The following GOLM1 variants were observed in gnomAD, a reference collection of about 807,000 sequenced individuals.
GOLM1 encodes the protein golgi membrane protein 1.
GOLM1 carries 31 observed loss-of-function variants against 50.5 expected under a neutral mutation model. That is an observed-to-expected ratio of 0.61 (90% CI 0.46 to 0.83). GOLM1 has a LOEUF of 0.83. Among genes scored for constraint, GOLM1 ranks in the 40% least tolerant of loss-of-function variants. GOLM1 has a pLI of 0.00. For missense variants in GOLM1, 491 were observed against 501.3 expected (o/e 0.98, Z 0.20); for synonymous variants, 178 against 192.8 (o/e 0.92, Z 0.64).
At chr9:86,087,381 T>G (rs1835010254) in intron 1 of GOLM1, among the ~76,000 whole-genome samples, 1 of 152,220 alleles carries the variant, frequency 6.6e-6, no homozygotes, top group South Asian at 2.1e-4. Flanking sequence ...TACAATCATG[T>G]TGTCTGCAAA....
At chr9:86,074,493 T>A (rs1563964081) in intron 3 of GOLM1, among the ~76,000 whole-genome samples, 1 of 152,080 alleles carries the variant, frequency 6.6e-6, no homozygotes, top group Non-Finnish European at 1.5e-5. Context: ...GTTTCCTCTA[T>A]CCCCCTTCCC....
At chr9:86,096,175 AGG>A (rs1835350166) in intron 1 of GOLM1, among the ~76,000 whole-genome samples, 1 of 120,850 alleles carries the variant, frequency 8.3e-6, no homozygotes, top group Non-Finnish European at 1.9e-5. Flanking sequence ...ACTGCTCGAT[AGG>A]TTTTTTTTTT....
At chr9:86,074,239 A>T (rs1291890950) in intron 3 of GOLM1, among the ~76,000 whole-genome samples, 3 of 151,368 alleles carry the variant, frequency 2.0e-5, no homozygotes, top group African/African-American at 7.3e-5. Flanking sequence ...AAGATTTAAA[A>T]AAAAAAAAAA....
chr9:86,066,072 A>T (rs1020151941), intron 3 of GOLM1, among the ~76,000 whole-genome samples: 4 of 152,164 alleles, frequency 2.6e-5, no homozygotes, highest in Non-Finnish European at 5.9e-5. Flanking sequence ...ATGTTACAAA[A>T]GCACTCTGAA....
intron 1 of GOLM1, among the ~76,000 whole-genome samples, chr9:86,091,051 C>G (rs1835169135): frequency 6.6e-6 from 1 of 152,142 alleles, no homozygotes; most frequent in Admixed American, 6.6e-5. Flanking sequence ...GAGGCGATGC[C>G]CCACCCTGCT....
At chr9:86,070,096 G>C (rs1446250628) in intron 3 of GOLM1, among the ~76,000 whole-genome samples, 3 of 151,864 alleles carry the variant, frequency 2.0e-5, no homozygotes, top group Admixed American at 2.0e-4. Context: ...TGTTGGCGAG[G>C]CTGGTCTGGA....
chr9:86,035,477 C>T lies in GOLM1; in HGVS notation c.906G>A (p.Val302=). The change falls in exon 8 of 10, where the codon GTG becomes GTA. Residue 302 remains valine, a synonymous_variant. Coordinates refer to ENST00000388712, the MANE Select transcript of GOLM1 (RefSeq NM_016548.4). ...GAGELGQTPQ[V]QAALSVSQEN... ...CCTGGCTCACTGACAGGGCAGCCTG[C>T]ACCTGTGGGGTCTGGCCCAGTTCTC... The T allele has an allele frequency of 6.2e-7, 1 of 1,613,664 alleles. No homozygotes were observed. Among genetic ancestry groups the T allele is most frequent in the Non-Finnish European group, 8.5e-7 (1 of 1,179,978 alleles).
chr9:86,053,269 G>A (rs1833834020), intron 3 of GOLM1, among the ~76,000 whole-genome samples: 1 of 91,676 alleles, frequency 1.1e-5, no homozygotes, highest in South Asian at 4.4e-4. Context: ...CACAACGCCA[G>A]ACCACACCAC....
rs370236188 is a variant in GOLM1, at chr9:86,090,470, C to G, written c.-22+8941G>C. Among the ~76,000 whole-genome samples, 13 of 152,270 alleles carry G rather than the reference C, an allele frequency of 8.5e-5. No homozygotes were observed. In the South Asian group the frequency reaches 1.4e-3, roughly 17 times the overall value. ...GGAGGAATCTAGAGAGGCAGTCTGGCCACAGTGGCTTTGCCGAGCTGCAGT... is the reference window on the plus strand; with the variant it reads ...GGAGGAATCTAGAGAGGCAGTCTGGGCACAGTGGCTTTGCCGAGCTGCAGT... On this transcript the variant is annotated intron_variant, in intron 1 of 9. Transcript: ENST00000388712.
rs779891170 is a variant in GOLM1 at position 86,077,409 on chromosome 9, T to C, written c.309+3A>G. 6.2e-7 allele frequency: 1 copy of C among 1,612,432 alleles called. No individual in the cohort carries two copies. The highest frequency in any genetic ancestry group is 1.3e-5 in the African/African-American group (1 of 74,904). ...AACTGAGAGGAAACAAAGCAGGCCT[T>C]GCCTTTTCGTCCTGGTACAGCTTGT... is the stretch of plus-strand genomic sequence containing the variant. On this transcript the variant is annotated splice_donor_region_variant and intron_variant, in intron 3 of 9. Transcript: ENST00000388712.
intron 3 of GOLM1, among the ~76,000 whole-genome samples, chr9:86,075,349 G>A (rs1311629347): frequency 1.3e-5 from 2 of 152,256 alleles, no homozygotes; most frequent in Non-Finnish European, 2.9e-5. Context: ...CACCACTGCT[G>A]CTGTGATCAT....
intron 4 of GOLM1, among the ~76,000 whole-genome samples, chr9:86,051,363 A>G (rs889278910): frequency 3.3e-5 from 5 of 152,138 alleles, no homozygotes; most frequent in African/African-American, 4.8e-5. Flanking sequence ...GGAGAGTTCT[A>G]TAGATGTCTA....
chr9:86,054,976 C>G (rs746265590), intron 3 of GOLM1, among the ~76,000 whole-genome samples: 2 of 152,186 alleles, frequency 1.3e-5, no homozygotes, highest in Non-Finnish European at 2.9e-5. Context: ...CCCATTCCTG[C>G]TTAGTGGTGG....
chr9:86,077,546 C>A lies in GOLM1; in HGVS notation c.175G>T (p.Glu59Ter), dbSNP rs760871255. The A allele has an allele frequency of 6.2e-7, 1 of 1,613,524 alleles. No homozygotes were observed. Among genetic ancestry groups the A allele is most frequent in the South Asian group, 1.1e-5 (1 of 91,064 alleles). The change falls in exon 3 of 10, where the codon GAG (glutamate) becomes TAG (stop). Residue 59 changes from glutamate to a stop codon, truncating the protein, a stop_gained. Transcript: ENST00000388712. LOFTEE classifies it high-confidence loss of function. ...LEGRVRRAAAERGAVELKKNE... is the reference protein window; with the variant it reads ...LEGRVRRAAA ...TTCTTCAGCTCCACGGCGCCTCTCT[C>A]TGCAGCCGCCCTGCGGACCCTGCCT... is the stretch of plus-strand genomic sequence containing the variant.
At chr9:86,029,319 T>C (rs1364504077) in intron 9 of GOLM1, among the ~76,000 whole-genome samples, 1 of 152,132 alleles carries the variant, frequency 6.6e-6, no homozygotes, top group Non-Finnish European at 1.5e-5. Context: ...ATTTTAAATA[T>C]AATCACCACG....
intron 1 of GOLM1, among the ~76,000 whole-genome samples, chr9:86,094,718 C>T (rs1309083316): frequency 6.6e-6 from 1 of 151,996 alleles, no homozygotes; most frequent in Non-Finnish European, 1.5e-5. Context: ...TCACTTGAGC[C>T]CAGGAATTCG....
chr9:86,079,696 T>C (rs1258633762), intron 1 of GOLM1: 1 of 182,384 alleles, frequency 5.5e-6, no homozygotes, highest in Non-Finnish European at 1.1e-5. Context: ...CCGGCATAGT[T>C]TGAGAATTAA....
intron 8 of GOLM1, among the ~76,000 whole-genome samples, chr9:86,034,453 G>A (rs143832673): frequency 2.6e-5 from 4 of 152,226 alleles, no homozygotes; most frequent in Non-Finnish European, 2.9e-5. Context: ...CCTTTGTTAC[G>A]CTTTGTGACC....
At chr9:86,052,667 T>G (rs10780743) in intron 3 of GOLM1, 76 bp from the exon 4 acceptor site, 1,260,353 of 1,274,396 alleles carry the variant, frequency 0.99, 623,276 homozygotes, top group South Asian at 1. Flanking sequence ...TACAAACCAA[T>G]GATGGGGCCT....
Sources: gnomAD v4.1 joint callset for allele counts (sites outside exome capture counted in the v4.1 genomes callset) on GRCh38, gnomAD v4.1.1 for gene constraint, MANE v1.5 for transcripts, NCBI Gene and HGNC (gene_info 2026-07-23, HGNC 2026-07-21) for gene names.